MAPK10: variants seen among roughly 807,000 people sequenced by gnomAD.
The protein encoded by MAPK10 is JNK3 alpha protein kinase.
MAPK10 carries 25 observed loss-of-function variants against 59.3 expected under a neutral mutation model. That is an observed-to-expected ratio of 0.42 (90% CI 0.31 to 0.59). The LOEUF is 0.59. Among genes scored for constraint, MAPK10 ranks in the 20% least tolerant of loss-of-function variants. MAPK10 has a pLI of 0.15. For synonymous variants in MAPK10, 190 were observed against 200.5 expected (o/e 0.95, Z 0.44); for missense variants, 351 against 568.9 (o/e 0.62, Z 3.90).
chr4:86,325,127 CT>C (rs1220163623), intron 2 of MAPK10, among the ~76,000 whole-genome samples: 1 of 152,082 alleles, frequency 6.6e-6, no homozygotes, highest in Non-Finnish European at 1.5e-5. Context: ...CCAACTAAAG[CT>C]GCAACTTGTA....
At chr4:86,302,799 T>C (rs776215408) in intron 2 of MAPK10, among the ~76,000 whole-genome samples, 4 of 152,166 alleles carry the variant, frequency 2.6e-5, no homozygotes, top group Non-Finnish European at 4.4e-5. Flanking sequence ...AACTAGTTCC[T>C]GAAAGTACAT....
At chr4:86,198,854 G>A (rs1184229770) in intron 2 of MAPK10, among the ~76,000 whole-genome samples, 1 of 151,562 alleles carries the variant, frequency 6.6e-6, no homozygotes, top group Non-Finnish European at 1.5e-5. Context: ...TCTATAAAAA[G>A]CTCCTTAAAA....
At chr4:86,177,492 A>G (rs1386674796) in intron 3 of MAPK10, among the ~76,000 whole-genome samples, 2 of 152,154 alleles carry the variant, frequency 1.3e-5, no homozygotes, top group East Asian at 1.9e-4. Flanking sequence ...GAAACATCAT[A>G]GACCCATCAA....
intron 3 of MAPK10, among the ~76,000 whole-genome samples, chr4:86,164,142 G>A (rs1056882930): frequency 6.6e-6 from 1 of 152,154 alleles, no homozygotes; most frequent in Non-Finnish European, 1.5e-5. Flanking sequence ...AAACAGCACT[G>A]AGCCTGGATC....
rs1229066545 is a variant in MAPK10, at chr4:86,485,452, G to A, written c.-263+108458C>T. Among the ~76,000 whole-genome samples, 5 of 152,120 alleles carry A rather than the reference G, an allele frequency of 3.3e-5. No homozygotes were observed. The South Asian group carries it at 6.2e-4, about 19-fold the overall frequency. Reference sequence around the variant, plus strand: ...CTGTATCTCCTATGTCTAGCAAAGTGCATTATCCTTAATAGGTGTTTAATA... The same window carrying A: ...CTGTATCTCCTATGTCTAGCAAAGTACATTATCCTTAATAGGTGTTTAATA... On this transcript the variant is annotated intron_variant, in intron 1 of 4. Transcript: ENST00000502302.
At chr4:86,403,869 T>C (rs1179775098) in intron 1 of MAPK10, among the ~76,000 whole-genome samples, 1 of 152,122 alleles carries the variant, frequency 6.6e-6, no homozygotes, top group Non-Finnish European at 1.5e-5. Flanking sequence ...GGAGATAAGA[T>C]TTCGGTAGGG....
Position 86,265,475 on chromosome 4 carries a change from C to T in MAPK10, c.-6-71068G>A, listed in dbSNP as rs1308345283. Among the ~76,000 whole-genome samples, 3 of 150,916 alleles carry T rather than the reference C, an allele frequency of 2.0e-5. No homozygotes were observed. The East Asian group carries it at 5.9e-4, about 30-fold the overall frequency. Reference sequence around the variant, plus strand: ...AGTGAGCCATGATCATGCCACTGCACTCCAGCTGGGGTGACAGAGCAAGTC... The same window carrying T: ...AGTGAGCCATGATCATGCCACTGCATTCCAGCTGGGGTGACAGAGCAAGTC... On this transcript the variant is annotated intron_variant, in intron 2 of 13. Transcript: ENST00000641462.
chr4:86,280,590 C>G (rs959056115), intron 2 of MAPK10, among the ~76,000 whole-genome samples: 1 of 152,050 alleles, frequency 6.6e-6, no homozygotes, highest in Admixed American at 6.6e-5. Context: ...AATGGGATTA[C>G]TGGGTATATA....
At chr4:86,342,741 C>T (rs1424987151) in intron 2 of MAPK10, among the ~76,000 whole-genome samples, 1 of 152,160 alleles carries the variant, frequency 6.6e-6, no homozygotes, top group Non-Finnish European at 1.5e-5. Flanking sequence ...CAGCTTCTTA[C>T]TCCAAATTAT....
At chr4:86,283,209 A>G (rs1230920940) in intron 2 of MAPK10, among the ~76,000 whole-genome samples, 2 of 152,202 alleles carry the variant, frequency 1.3e-5, no homozygotes, top group Admixed American at 6.5e-5. Flanking sequence ...CTCTCTCTGA[A>G]TAAGCCCTGG....
intron 9 of MAPK10, among the ~76,000 whole-genome samples, chr4:86,092,229 G>A (rs962865638): frequency 4.0e-5 from 6 of 151,888 alleles, no homozygotes; most frequent in Non-Finnish European, 5.9e-5. Context: ...ATCTTTATGG[G>A]TGATAATATC....
chr4:86,094,973 T>C (rs2053958330), intron 9 of MAPK10, among the ~76,000 whole-genome samples: 1 of 151,870 alleles, frequency 6.6e-6, no homozygotes, highest in African/African-American at 2.4e-5. Context: ...TGTAAAAATA[T>C]ATGCTATGAA....
At chr4:86,592,569 G>A (rs577818361) in intron 1 of MAPK10, among the ~76,000 whole-genome samples, 1 of 152,286 alleles carries the variant, frequency 6.6e-6, no homozygotes, top group South Asian at 2.1e-4. Context: ...GATGTTTCAT[G>A]AAAGTTTCTG....
At chr4:86,415,071 C>T (rs1745687849) in intron 1 of MAPK10, among the ~76,000 whole-genome samples, 1 of 145,792 alleles carries the variant, frequency 6.9e-6, no homozygotes, top group African/African-American at 2.5e-5. Context: ...CCCTGGAGGT[C>T]GAGGCTGCAG....
intron 2 of MAPK10, among the ~76,000 whole-genome samples, chr4:86,347,623 T>C (rs1728940153): frequency 6.6e-6 from 1 of 152,162 alleles, no homozygotes; most frequent in South Asian, 2.1e-4. Flanking sequence ...CAGAAATTTA[T>C]TTCTCAGTTC....
chr4:86,026,474 G>A (rs1039660695), intron 13 of MAPK10: 13 of 152,290 alleles, frequency 8.5e-5, no homozygotes, highest in African/African-American at 3.1e-4. Flanking sequence ...CTGAAGTTTA[G>A]ATTTATCTCT....
rs530365417 is a variant in MAPK10, at chr4:86,527,849, A to T, written c.-263+66061T>A. Among the ~76,000 whole-genome samples the T allele has an allele frequency of 2.0e-5, 3 of 152,354 alleles. No homozygotes were observed. In the East Asian group the frequency reaches 5.8e-4, roughly 29 times the overall value. The stretch of plus-strand genomic sequence containing the variant: ...AAAAGAATGAAATCATGTCCTTTGT[A>T]GCAACATGGATGCAGCTGGAGGCCA... On this transcript the variant is annotated intron_variant, in intron 1 of 4. Transcript: ENST00000502302.
chr4:86,260,668 A>G (rs769803691), intron 2 of MAPK10, among the ~76,000 whole-genome samples: 17 of 152,128 alleles, frequency 1.1e-4, no homozygotes, highest in Non-Finnish European at 2.2e-4. Flanking sequence ...CTCTTCATAT[A>G]TCTTTCTTAA....
intron 13 of MAPK10, chr4:86,027,898 G>A (rs1383864203): frequency 6.6e-6 from 1 of 152,210 alleles, no homozygotes; most frequent in Non-Finnish European, 1.5e-5. Context: ...TTGGGATAAG[G>A]TGGTATGAAA....
Sources: gnomAD v4.1 joint callset for allele counts (sites outside exome capture counted in the v4.1 genomes callset) on GRCh38, gnomAD v4.1.1 for gene constraint, MANE v1.5 for transcripts, NCBI Gene and HGNC (gene_info 2026-07-23, HGNC 2026-07-21) for gene names.